The following AKT3 variants were observed in gnomAD, a reference collection of about 807,000 sequenced individuals.
AKT3 encodes AKT serine/threonine kinase 3.
In AKT3, 15 loss-of-function variants were observed where a neutral mutation model predicts 65.3. The ratio of observed to expected loss-of-function variants is 0.23; its 90% confidence interval spans 0.15 to 0.35. The LOEUF (loss-of-function observed/expected upper bound fraction) is 0.35. Ranked by LOEUF, AKT3 falls within the 10% of genes least tolerant of loss-of-function variation. AKT3 has a pLI of 1.00. For missense variants in AKT3, 243 were observed against 576.5 expected (o/e 0.42, Z 5.92); for synonymous variants, 206 against 183.8 (o/e 1.12, Z -0.98).
chr1:243,798,207 CT>C (rs59975727), intron 2 of AKT3, among the ~76,000 whole-genome samples: 67,572 of 97,214 alleles, frequency 0.7, 25,609 homozygotes, highest in Non-Finnish European at 0.84. Flanking sequence ...GTGCCAGGCC[CT>C]TTTTTTTTTT....
At chr1:243,686,785 A>G (rs1215940315) in intron 3 of AKT3, among the ~76,000 whole-genome samples, 1 of 143,748 alleles carries the variant, frequency 7.0e-6, no homozygotes, top group Non-Finnish European at 1.5e-5. Flanking sequence ...CTCCTGCTTC[A>G]GCCCAGTAGC....
rs6677403 is a variant in AKT3 at position 243,584,730 on chromosome 1, G to T, written c.697-11682C>A. 3.1e-3 allele frequency among the ~76,000 whole-genome samples: 466 copies of T among 151,966 alleles called. 5 individuals are homozygous for T. The highest frequency in any genetic ancestry group is 0.011 in the African/African-American group (438 of 41,438). ...ATGATAAAAACCCTCAACAAACTAG[G>T]CATCAAAGGAACATACCTGAAAATA... is the stretch of plus-strand genomic sequence containing the variant. On this transcript the variant is annotated intron_variant, in intron 8 of 13. Coordinates refer to ENST00000673466, the MANE Select transcript of AKT3 (RefSeq NM_005465.7).
intron 2 of AKT3, among the ~76,000 whole-genome samples, chr1:243,827,842 T>G (rs1393360244): frequency 6.6e-6 from 1 of 152,130 alleles, no homozygotes; most frequent in African/African-American, 2.4e-5. Flanking sequence ...AAACATGAAT[T>G]TTTAAATTAA....
intron 2 of AKT3, among the ~76,000 whole-genome samples, chr1:243,835,396 G>A (rs555874394): frequency 2.0e-5 from 3 of 152,176 alleles, no homozygotes; most frequent in African/African-American, 7.2e-5. Context: ...TTACCTGAAT[G>A]ACGAAATAAT....
At chr1:243,593,310 A>T (rs2148556327) in intron 8 of AKT3, among the ~76,000 whole-genome samples, 1 of 152,194 alleles carries the variant, frequency 6.6e-6, no homozygotes, top group East Asian at 1.9e-4. Flanking sequence ...ACATATAAGG[A>T]TGATAATACA....
intron 4 of AKT3, among the ~76,000 whole-genome samples, chr1:243,658,964 A>G (rs1333346552): frequency 4.6e-5 from 7 of 152,078 alleles, no homozygotes; most frequent in Admixed American, 3.9e-4. Flanking sequence ...CCTGAGTTCC[A>G]GGCTGCAGTA....
At chr1:243,575,054 T>G (rs770497526) in intron 8 of AKT3, among the ~76,000 whole-genome samples, 20 of 152,324 alleles carry the variant, frequency 1.3e-4, no homozygotes, top group Middle Eastern at 3.4e-3. Context: ...CTCAGTCTGC[T>G]ATCTGATGTG....
At chr1:243,849,923 C>G (rs1383565742) in intron 1 of AKT3, 117 bp downstream of exon 1, 1 of 767,098 alleles carries the variant, frequency 1.3e-6, no homozygotes, top group African/African-American at 1.9e-5. Flanking sequence ...CCGCCTCACC[C>G]CACCCCGCCG....
At chr1:243,682,333 AAG>A (rs1017166046) in intron 3 of AKT3, among the ~76,000 whole-genome samples, 3 of 152,098 alleles carry the variant, frequency 2.0e-5, no homozygotes, top group Non-Finnish European at 2.9e-5. Context: ...TAAATATATA[AAG>A]AGATAATGTA....
At position 243,572,937 on chromosome 1, in the gene AKT3, G is replaced by C. The variant is rs1439435818; in HGVS notation, c.808C>G (p.Arg270Gly). 1 of 1,604,998 alleles carries C rather than the reference G, an allele frequency of 6.2e-7. No homozygotes were observed. Among genetic ancestry groups the C allele is most frequent in the Non-Finnish European group, 8.5e-7 (1 of 1,176,554 alleles). ...TTTTTTTTTTTTACCTTGAGATCACGGTACACAATCTTTCCGGAATGTAGA... is the reference window on the plus strand; with the variant it reads ...TTTTTTTTTTTTACCTTGAGATCACCGTACACAATCTTTCCGGAATGTAGA... ...DYLHSGKIVY[R>G]DLKLENLMLD... Residue 270 changes from arginine (R) to glycine (G), a missense_variant, in exon 9 of 14, where the codon CGT becomes GGT. Arg to Gly is a moderately radical substitution (Grantham distance 125). This residue lies in a region of AKT3 where 61 missense variants were observed against 163.3 expected (regional missense o/e 0.37). Transcript: ENST00000673466.
intron 2 of AKT3, among the ~76,000 whole-genome samples, chr1:243,820,156 T>A (rs576694112): frequency 6.6e-6 from 1 of 152,110 alleles, no homozygotes; most frequent in African/African-American, 2.4e-5. Context: ...CCTGATCTCA[T>A]GATCCACCTG....
At chr1:243,625,263 C>G (rs1472530992) in intron 6 of AKT3, among the ~76,000 whole-genome samples, 4 of 150,448 alleles carry the variant, frequency 2.7e-5, no homozygotes, top group Non-Finnish European at 5.9e-5. Flanking sequence ...CCTCAAGTAG[C>G]TGGGATTACA....
At chr1:243,492,604 G>GTTTTT (rs74162289) in intron 13 of AKT3, among the ~76,000 whole-genome samples, 100 of 58,852 alleles carry the variant, frequency 1.7e-3, no homozygotes, top group African/African-American at 3.6e-3. Flanking sequence ...GCGCCCAGCT[G>GTTTTT]TTTTTTTTTT....
chr1:243,743,482 T>C (rs1185030469), intron 2 of AKT3, among the ~76,000 whole-genome samples: 1 of 152,198 alleles, frequency 6.6e-6, no homozygotes, highest in African/African-American at 2.4e-5. Context: ...TTGAAATACA[T>C]AGTTTTATTA....
intron 2 of AKT3, among the ~76,000 whole-genome samples, chr1:243,769,327 C>T (rs749898306): frequency 2.6e-5 from 4 of 152,022 alleles, no homozygotes; most frequent in Non-Finnish European, 4.4e-5. Flanking sequence ...AGAAATACAC[C>T]CAGGTGTAGA....
chr1:243,840,165 C>T (rs1335944147), intron 2 of AKT3, among the ~76,000 whole-genome samples: 1 of 151,886 alleles, frequency 6.6e-6, no homozygotes, highest in African/African-American at 2.4e-5. Flanking sequence ...AACGAGACTC[C>T]GTCTCAAAAA....
chr1:243,616,166 T>C (rs1486707657), intron 6 of AKT3, among the ~76,000 whole-genome samples: 1 of 151,892 alleles, frequency 6.6e-6, no homozygotes, highest in Non-Finnish European at 1.5e-5. Flanking sequence ...GAGAAGCATA[T>C]GCTGTACCCA....
At chr1:243,510,450 T>C (rs1019448938) in intron 13 of AKT3, among the ~76,000 whole-genome samples, 4 of 152,014 alleles carry the variant, frequency 2.6e-5, no homozygotes, top group African/African-American at 9.7e-5. Flanking sequence ...ATGCAGAGAA[T>C]GAAGAGAGAG....
chr1:243,732,183 G>A (rs931700195), intron 2 of AKT3, among the ~76,000 whole-genome samples: 1 of 152,120 alleles, frequency 6.6e-6, no homozygotes, highest in Non-Finnish European at 1.5e-5. Flanking sequence ...AAGCTCTGCA[G>A]CCAAGAGCCC....
Sources: allele counts gnomAD v4.1 joint callset (sites outside exome capture counted in the v4.1 genomes callset), GRCh38; gene constraint gnomAD v4.1.1; regional missense constraint gnomAD v4.1.1; transcripts MANE v1.5; gene names NCBI Gene and HGNC (gene_info 2026-07-23, HGNC 2026-07-21).